Variants in PHF5A observed in about 807,000 individuals in gnomAD.
PHF5A encodes PHD finger protein 5A.
For missense variants in PHF5A, 24 were observed against 140.6 expected (o/e 0.17, Z 4.19); for synonymous variants, 52 against 46.0 (o/e 1.13, Z -0.52).
chr22:41,463,735 A>AAG (rs1423936547), intron 3 of PHF5A, among the ~76,000 whole-genome samples: 1 of 150,536 alleles, frequency 6.6e-6, no homozygotes, highest in Non-Finnish European at 1.5e-5. Context: ...AAAAAAAAAA[A>AAG]AAAAAAAAAA....
intron 3 of PHF5A, among the ~76,000 whole-genome samples, chr22:41,464,108 G>A (rs1002655680): frequency 1.5e-4 from 23 of 152,240 alleles, no homozygotes; most frequent in African/African-American, 5.5e-4. Flanking sequence ...TTTTCTGGTT[G>A]GGCGAACTGA....
At chr22:41,463,263 G>GC (rs759338404) in intron 3 of PHF5A, among the ~76,000 whole-genome samples, 15 of 151,732 alleles carry the variant, frequency 9.9e-5, no homozygotes, top group Non-Finnish European at 2.9e-5. Context: ...CCTTAGGGGT[G>GC]CAATGATGAG....
rs147057892 is a variant in PHF5A at position 41,468,654 on chromosome 22, A to C, written c.-1T>G. On this transcript the variant is annotated 5_prime_UTR_variant, in exon 1 of 4. Transcript: ENST00000216252. The stretch of plus-strand genomic sequence containing the variant: ...TCAAATCAGGATGATGTTTAGCCAT[A>C]GCTCCTAACTAAGCCGGCCACCGGA... 1.2e-6 allele frequency: 2 copies of C among 1,614,080 alleles called. No homozygotes were observed. The highest frequency in any genetic ancestry group is 8.5e-7 in the Non-Finnish European group (1 of 1,180,004).
chr22:41,468,355 TCA>T (rs1466889706), intron 1 of PHF5A: 49 of 648,990 alleles, frequency 7.6e-5, no homozygotes, highest in Non-Finnish European at 1.3e-5. Flanking sequence ...CTGGGCAAGC[TCA>T]GAGTTTCTCT....
At chr22:41,464,926 C>T (rs1055292602) in intron 3 of PHF5A, among the ~76,000 whole-genome samples, 2 of 152,130 alleles carry the variant, frequency 1.3e-5, no homozygotes, top group African/African-American at 4.8e-5. Flanking sequence ...ATGCTTGCAC[C>T]GCATGTCAGG....
intron 3 of PHF5A, among the ~76,000 whole-genome samples, chr22:41,466,322 G>C (rs1025711368): frequency 2.6e-5 from 4 of 152,146 alleles, no homozygotes; most frequent in Admixed American, 2.0e-4. Flanking sequence ...GAGTTGAATA[G>C]AAAGTAGCCA....
Position 41,465,837 on chromosome 22 carries a change from G to A in PHF5A, c.243+1611C>T, listed in dbSNP as rs556031953. On this transcript the variant is annotated intron_variant, in intron 3 of 3. Transcript: ENST00000216252. ...GGAGGCTGTGGTGAGCCGAGATGGC[G>A]CCACTGCACTCCAGCCTGGACAACA... 1.2e-3 allele frequency among the ~76,000 whole-genome samples: 179 copies of A among 152,144 alleles called. 1 individual carries two copies. The highest frequency in any genetic ancestry group is 2.0e-3 in the Non-Finnish European group (136 of 68,018).
chr22:41,462,455 G>A (rs1281824717), intron 3 of PHF5A, among the ~76,000 whole-genome samples: 2 of 152,120 alleles, frequency 1.3e-5, no homozygotes, highest in Non-Finnish European at 2.9e-5. Flanking sequence ...TCATTACATT[G>A]AGCACTTCCA....
At chr22:41,463,889 C>T (rs561704655) in intron 3 of PHF5A, among the ~76,000 whole-genome samples, 3 of 151,540 alleles carry the variant, frequency 2.0e-5, no homozygotes, top group South Asian at 2.1e-4. Flanking sequence ...AAAGAAACTG[C>T]GTCTCAAAAA....
At chr22:41,467,714 T>A in intron 2 of PHF5A, 100 bp from the exon 3 acceptor site, 1 of 1,329,474 alleles carries the variant, frequency 7.5e-7, no homozygotes, top group Non-Finnish European at 1.0e-6. Context: ...TACACTAGTC[T>A]CCTTTTGACA....
chr22:41,461,408 AGAAG>A (rs2037826750), intron 3 of PHF5A, among the ~76,000 whole-genome samples: 1 of 125,066 alleles, frequency 8.0e-6, no homozygotes, highest in Admixed American at 7.8e-5. Context: ...TTTTTTTTTG[AGAAG>A]GAATCTCGCT....
intron 2 of PHF5A, 141 bp downstream of exon 2, chr22:41,467,983 G>T: frequency 1.2e-6 from 1 of 819,940 alleles, no homozygotes; most frequent in Non-Finnish European, 2.0e-6. Flanking sequence ...AGTTAGAGGG[G>T]CCTTTGGCTA....
At chr22:41,461,726 G>A (rs1219588190) in intron 3 of PHF5A, among the ~76,000 whole-genome samples, 1 of 151,892 alleles carries the variant, frequency 6.6e-6, no homozygotes, top group Non-Finnish European at 1.5e-5. Context: ...GCAGTGACAT[G>A]ATCTCGGCTC....
intron 3 of PHF5A, among the ~76,000 whole-genome samples, chr22:41,464,720 G>C (rs1377437341): frequency 1.3e-5 from 2 of 152,204 alleles, no homozygotes; most frequent in Non-Finnish European, 2.9e-5. Context: ...TCAAGAAAAT[G>C]CTGTCTTAAA....
chr22:41,468,575 A>C (rs1166671221), intron 1 of PHF5A, 27 bp downstream of exon 1: 2 of 1,612,350 alleles, frequency 1.2e-6, no homozygotes, highest in Admixed American at 1.7e-5. Flanking sequence ...CCCTGCCCAG[A>C]CAGCCAGGGG....
chr22:41,468,109 G>A lies in PHF5A; in HGVS notation c.76+15C>T, dbSNP rs970175666. ...GTGGGAAGGGTGGGTTGTTGGGACGGTGTGTTCCACTCACATTTTTCACAC... is the reference window on the plus strand; with the variant it reads ...GTGGGAAGGGTGGGTTGTTGGGACGATGTGTTCCACTCACATTTTTCACAC... On this transcript the variant is annotated intron_variant, in intron 2 of 3. Coordinates refer to ENST00000216252, the MANE Select transcript of PHF5A (RefSeq NM_032758.4). The A allele has an allele frequency of 3.7e-6, 6 of 1,613,644 alleles. No homozygotes were observed. The highest frequency in any genetic ancestry group is 3.3e-4 in the Middle Eastern group (2 of 6,082).
chr22:41,466,685 G>C (rs903259114), intron 3 of PHF5A, among the ~76,000 whole-genome samples: 3 of 152,070 alleles, frequency 2.0e-5, no homozygotes, highest in African/African-American at 7.2e-5. Context: ...CAGCACACCT[G>C]ACTAATGAAA....
In PHF5A at chr22:41,467,665, A is replaced by G. The variant is rs767908961; in HGVS notation, c.77-51T>C. 1.8e-5 allele frequency: 29 copies of G among 1,586,922 alleles called. 1 individual carries two copies. The East Asian group carries it at 5.6e-4, about 31-fold the overall frequency. On this transcript the variant is annotated intron_variant, in intron 2 of 3. Transcript: ENST00000216252. ...CTCACAAGTTCTTCAGTCCTCTGCT[A>G]TCTCCTGCCATGGGGAAATATACTA...
intron 3 of PHF5A, among the ~76,000 whole-genome samples, chr22:41,462,800 T>C (rs1568994122): frequency 6.6e-6 from 1 of 152,064 alleles, no homozygotes. Flanking sequence ...TACCCAAATA[T>C]TCCTGGAAGG....
Sources: gnomAD v4.1 joint callset for allele counts (sites outside exome capture counted in the v4.1 genomes callset) on GRCh38, gnomAD v4.1.1 for gene constraint, MANE v1.5 for transcripts, NCBI Gene and HGNC (gene_info 2026-07-23, HGNC 2026-07-21) for gene names.